CCDC73: variants seen among roughly 807,000 people sequenced by gnomAD.
CCDC73 encodes coiled-coil domain-containing protein 73.
CCDC73 carries 95 observed loss-of-function variants against 116.5 expected under a neutral mutation model. The observed-to-expected ratio is 0.82, with a 90% confidence interval of 0.69 to 0.97. The LOEUF is 0.97. Among genes scored for constraint, CCDC73 ranks in the 50% least tolerant of loss-of-function variants. CCDC73 has a pLI of 0.00. For missense variants in CCDC73, 1,066 were observed against 1,206.8 expected (o/e 0.88, Z 1.73); for synonymous variants, 398 against 401.3 (o/e 0.99, Z 0.10).
chr11:32,781,713 A>G (rs1007946006), intron 1 of CCDC73, among the ~76,000 whole-genome samples: 1 of 152,152 alleles, frequency 6.6e-6, no homozygotes, highest in Non-Finnish European at 1.5e-5. Context: ...TGGCTACTAT[A>G]TGGAAAAATG....
the CCDC73 span, among the ~76,000 whole-genome samples, chr11:32,806,351 T>C: frequency 4.6e-5 from 7 of 152,182 alleles, no homozygotes; most frequent in Non-Finnish European, 8.8e-5. Context: ...CCAGGCATGG[T>C]AGCTCACCCC....
intron 1 of CCDC73, among the ~76,000 whole-genome samples, chr11:32,767,307 T>A (rs9667005): frequency 0.27 from 41,290 of 152,032 alleles, 5,920 homozygotes; most frequent in South Asian, 0.35. Context: ...TTACACTTTA[T>A]ACAAAAATTA....
intron 7 of CCDC73, chr11:32,679,742 A>G (rs1006522348): frequency 6.6e-6 from 1 of 152,210 alleles, no homozygotes; most frequent in Non-Finnish European, 1.5e-5. Flanking sequence ...TGCATAATAC[A>G]TGATCCCACA....
chr11:32,803,193 A>C, the CCDC73 span, among the ~76,000 whole-genome samples: 1 of 152,092 alleles, frequency 6.6e-6, no homozygotes, highest in South Asian at 2.1e-4. Context: ...TCCCAGGTTC[A>C]AGCGATTCTG....
At chr11:32,716,561 G>T (rs1036370462) in intron 3 of CCDC73, among the ~76,000 whole-genome samples, 3 of 151,928 alleles carry the variant, frequency 2.0e-5, no homozygotes, top group African/African-American at 7.3e-5. Context: ...TTTTAAATTG[G>T]ATTTATTTAT....
At chr11:32,660,938 A>G (rs1766199270) in intron 9 of CCDC73, among the ~76,000 whole-genome samples, 1 of 152,242 alleles carries the variant, frequency 6.6e-6, no homozygotes, top group African/African-American at 2.4e-5. Context: ...TAAGTTTTAA[A>G]GAAAAGGTGA....
In CCDC73 at chr11:32,700,790, C is replaced by A; in HGVS notation, c.315+1G>T. 7.2e-7 allele frequency: 1 copy of A among 1,395,352 alleles called. No individual in the cohort carries two copies. The highest frequency in any genetic ancestry group is 9.7e-7 in the Non-Finnish European group (1 of 1,031,602). 86.4% of individuals were successfully genotyped at this position (1,395,352 alleles called of 1,614,324 possible). Reference sequence around the variant, plus strand: ...GAAAATTTTAAAAAAATTATAAATACCTTTTCTTCTTCCAGGGCACACATC... The same window carrying A: ...GAAAATTTTAAAAAAATTATAAATAACTTTTCTTCTTCCAGGGCACACATC... On this transcript the variant is annotated splice_donor_variant, in intron 5 of 17. Coordinates refer to ENST00000335185, the MANE Select transcript of CCDC73 (RefSeq NM_001008391.4). LOFTEE classifies it high-confidence loss of function.
chr11:32,770,572 G>C (rs1216474765), intron 1 of CCDC73, among the ~76,000 whole-genome samples: 1 of 152,208 alleles, frequency 6.6e-6, no homozygotes, highest in Non-Finnish European at 1.5e-5. Context: ...GAGGGTGGCA[G>C]AGAGACTGTT....
At chr11:32,670,487 A>C (rs1856028055) in intron 9 of CCDC73, among the ~76,000 whole-genome samples, 1 of 150,254 alleles carries the variant, frequency 6.7e-6, no homozygotes, top group Non-Finnish European at 1.5e-5. Flanking sequence ...GCACCACTGC[A>C]CTCCAGCCTG....
the CCDC73 span, among the ~76,000 whole-genome samples, chr11:32,825,265 C>T: frequency 6.9e-6 from 1 of 143,990 alleles, no homozygotes; most frequent in Non-Finnish European, 1.5e-5. Context: ...ACAACATTAA[C>T]ACTTCATTAT....
intron 13 of CCDC73, among the ~76,000 whole-genome samples, chr11:32,637,017 C>CTTTTTTTTTTTTTTTTTT (rs71063750): frequency 2.3e-5 from 2 of 87,940 alleles, no homozygotes; most frequent in African/African-American, 7.9e-5. Context: ...TTTTCTTTTT[C>CTTTTTTTTTTTTTTTTTT]TTTTTTTTTT....
intron 2 of CCDC73, among the ~76,000 whole-genome samples, chr11:32,752,023 C>T (rs156160): frequency 1.3e-4 from 20 of 152,268 alleles, no homozygotes; most frequent in Non-Finnish European, 2.9e-4. Context: ...CAGTGACTTC[C>T]GCTCACACTC....
Position 32,611,159 on chromosome 11 carries a change from A to C in CCDC73, c.3003T>G (p.Phe1001Leu), listed in dbSNP as rs369078499. 4.3e-6 allele frequency: 7 copies of C among 1,613,812 alleles called. No individual in the cohort carries two copies. The highest frequency in any genetic ancestry group is 2.7e-5 in the African/African-American group (2 of 74,930). ...GTTCTGTGGGAAAAGAGGAATCATA[A>C]AAAGTCTTTGCCATTGCATTCTTCT... ...SEEKNAMAKT[F>L]YDSSFPTEHV... Residue 1001 changes from phenylalanine to leucine, a missense_variant, in exon 17 of 18, where the codon TTT becomes TTG. Phe to Leu is a conservative substitution (Grantham distance 22, BLOSUM62 0). Transcript: ENST00000335185.
the CCDC73 span, among the ~76,000 whole-genome samples, chr11:32,813,083 C>T: frequency 1.3e-5 from 2 of 151,852 alleles, no homozygotes; most frequent in African/African-American, 2.4e-5. Flanking sequence ...ATTTGCAGTT[C>T]TTTATATATT....
At chr11:32,722,524 C>A (rs1849998772) in intron 2 of CCDC73, among the ~76,000 whole-genome samples, 1 of 152,028 alleles carries the variant, frequency 6.6e-6, no homozygotes, top group African/African-American at 2.4e-5. Context: ...AAATCCATAC[C>A]AACAGTATAT....
chr11:32,645,968 C>G (rs1855775549), intron 12 of CCDC73, among the ~76,000 whole-genome samples: 1 of 152,092 alleles, frequency 6.6e-6, no homozygotes, highest in Admixed American at 6.5e-5. Context: ...ATGCTTAGTA[C>G]TTTAACATTC....
At chr11:32,829,091 C>T in the CCDC73 span, among the ~76,000 whole-genome samples, 1 of 151,728 alleles carries the variant, frequency 6.6e-6, no homozygotes, top group African/African-American at 2.4e-5. Context: ...AAAGTGAGAC[C>T]CCCTACTCTG....
intron 14 of CCDC73, among the ~76,000 whole-genome samples, chr11:32,621,288 G>A (rs1338316997): frequency 6.6e-6 from 1 of 152,132 alleles, no homozygotes; most frequent in Non-Finnish European, 1.5e-5. Context: ...CAAAGCAACA[G>A]TAACCAAAAC....
the CCDC73 span, among the ~76,000 whole-genome samples, chr11:32,799,678 A>C: frequency 6.6e-6 from 1 of 152,184 alleles, no homozygotes; most frequent in African/African-American, 2.4e-5. Context: ...GGTTCTCTGT[A>C]ATCAGTTTTC....
Sources: gnomAD v4.1 joint callset for allele counts (sites outside exome capture counted in the v4.1 genomes callset) on GRCh38, gnomAD v4.1.1 for gene constraint, MANE v1.5 for transcripts, NCBI Gene and HGNC (gene_info 2026-07-23, HGNC 2026-07-21) for gene names.